The following UBXN6 variants were observed in gnomAD, a reference collection of about 807,000 sequenced individuals.
The protein encoded by UBXN6 is UBX domain-containing protein 6.
Under a neutral mutation model 51.4 loss-of-function variants are expected in UBXN6, and 44 were observed. The ratio of observed to expected loss-of-function variants is 0.86; its 90% CI spans 0.67 to 1.10. The LOEUF is 1.10. UBXN6 is among the 50% of genes least tolerant of loss of function. The pLI is 0.00. For synonymous variants in UBXN6, 316 were observed against 263.2 expected (o/e 1.20, Z -1.94); for missense variants, 672 against 596.1 (o/e 1.13, Z -1.32).
chr19:4,446,937 G>A lies in UBXN6; in HGVS notation c.616-17C>T. On this transcript the variant is annotated splice_polypyrimidine_tract_variant and intron_variant, in intron 6 of 10. Coordinates refer to ENST00000301281, the MANE Select transcript of UBXN6 (RefSeq NM_025241.3). The stretch of plus-strand genomic sequence containing the variant: ...AATGCGCTCCTGGGGGTGGAGATGG[G>A]CGTCACTGGGGGCCCCTGGCTTCCT... The A allele has an allele frequency of 1.2e-6, 2 of 1,612,682 alleles. No individual in the cohort carries two copies. The highest frequency in any genetic ancestry group is 1.7e-6 in the Non-Finnish European group (2 of 1,179,438).
intron 10 of UBXN6, 62 bp downstream of exon 10, chr19:4,445,987 C>T: frequency 1.3e-6 from 2 of 1,536,746 alleles, no homozygotes; most frequent in Non-Finnish European, 1.8e-6. Context: ...GGTGTCTGTG[C>T]CGGTCCCAGG....
Position 4,445,326 on chromosome 19 carries a change from G to A in UBXN6, c.*172C>T, listed in dbSNP as rs1458421353. The A allele has an allele frequency of 8.7e-7, 1 of 1,143,476 alleles. No individual in the cohort carries two copies. The highest frequency in any genetic ancestry group is 2.4e-5 in the East Asian group (1 of 41,494). The allele number at this position is 1,143,476 out of a possible 1,614,324, so 70.8% of individuals were successfully genotyped here. On this transcript the variant is annotated 3_prime_UTR_variant, in exon 11 of 11. Coordinates refer to ENST00000301281, the MANE Select transcript of UBXN6 (RefSeq NM_025241.3). ...GCATCCCCACAGCCCCCAAGGGATGGGGGCTCTGCCACGGGGCCCAATTCC... is the reference window on the plus strand; with the variant it reads ...GCATCCCCACAGCCCCCAAGGGATGAGGGCTCTGCCACGGGGCCCAATTCC...
chr19:4,449,107 A>G (rs1464568532), intron 4 of UBXN6: 1 of 154,020 alleles, frequency 6.5e-6, no homozygotes, highest in Non-Finnish European at 1.4e-5. Flanking sequence ...CAGCATGGAG[A>G]GGCTGAGAAC....
chr19:4,455,310 T>A, intron 1 of UBXN6: 1 of 985,480 alleles, frequency 1.0e-6, no homozygotes, highest in South Asian at 4.7e-5. Flanking sequence ...CTGGCTCTGC[T>A]TACATACCCG....
In UBXN6 at chr19:4,445,829, T is replaced by A; in HGVS notation, c.1201-206A>T. ...AACCTACTGCACTAGCTAACGCACG[T>A]CACCGCTCCCATTTGATGGGGAAAC... On this transcript the variant is annotated intron_variant, in intron 10 of 10. Coordinates refer to ENST00000301281, the MANE Select transcript of UBXN6 (RefSeq NM_025241.3). 6.7e-6 allele frequency: 7 copies of A among 1,046,420 alleles called. No homozygotes were observed. In the South Asian group the frequency reaches 1.2e-4, roughly 17 times the overall value. 64.8% of individuals were successfully genotyped at this position (1,046,420 alleles called of 1,614,324 possible).
chr19:4,454,226 G>A (rs1044363296), intron 1 of UBXN6, 133 bp from the exon 2 acceptor site: 3 of 1,051,128 alleles, frequency 2.9e-6, no homozygotes, highest in Non-Finnish European at 4.0e-6. Context: ...TGTGGGCCAG[G>A]ACACCTGGTT....
chr19:4,453,314 C>G, intron 3 of UBXN6, 144 bp downstream of exon 3: 1 of 897,450 alleles, frequency 1.1e-6, no homozygotes, highest in Non-Finnish European at 1.7e-6. Flanking sequence ...ACACCGTGTT[C>G]CACCACAACC....
At chr19:4,448,516 G>T in intron 4 of UBXN6, 101 bp from the exon 5 acceptor site, 1 of 927,648 alleles carries the variant, frequency 1.1e-6, no homozygotes, top group Non-Finnish European at 1.7e-6. Context: ...GCAGAACAGC[G>T]GCTTGGAGCG....
At chr19:4,448,273 G>A in intron 5 of UBXN6, 45 bp downstream of exon 5, 1 of 1,523,192 alleles carries the variant, frequency 6.6e-7, no homozygotes, top group South Asian at 1.2e-5. Context: ...GGGGTGCTGG[G>A]ATGAGCTGGA....
At position 4,453,486 on chromosome 19, in the gene UBXN6, C is replaced by A. The variant is rs1359751619; in HGVS notation, c.284G>T (p.Gly95Val). ...GTTGGTCCCTGGGGCCTCGGGGCTC[C>A]CGCTGACGGTGGCTTCGGCTTGAAG... is the stretch of plus-strand genomic sequence containing the variant. ...KELQAEATVS[G>V]SPEAPGTNVV... Residue 95 changes from glycine to valine, a missense_variant, in exon 3 of 11, where the codon GGG becomes GTG. Gly to Val is a moderately radical substitution (Grantham distance 109). Transcript: ENST00000301281. 6.2e-6 allele frequency: 10 copies of A among 1,613,774 alleles called. No individual in the cohort carries two copies. The highest frequency in any genetic ancestry group is 8.5e-6 in the Non-Finnish European group (10 of 1,179,936).
At position 4,452,354 on chromosome 19, in the gene UBXN6, T is replaced by A; in HGVS notation, c.441+10A>T. 1 of 1,612,352 alleles carries A rather than the reference T, an allele frequency of 6.2e-7. No individual in the cohort carries two copies. The highest frequency in any genetic ancestry group is 8.5e-7 in the Non-Finnish European group (1 of 1,179,068). ...CAGGTTGGGGCAGGAGCACACAGGG[T>A]GCCACTCACCAAGAGAATGGCCTCC... On this transcript the variant is annotated intron_variant, in intron 4 of 10. Transcript: ENST00000301281.
At chr19:4,447,009 T>C (rs2145171344) in intron 6 of UBXN6, 89 bp from the exon 7 acceptor site, 1 of 1,323,378 alleles carries the variant, frequency 7.6e-7, no homozygotes, top group African/African-American at 1.5e-5. Flanking sequence ...CGGCTCTCGC[T>C]ATTGGGAGCA....
chr19:4,451,816 G>A (rs1974658512), intron 4 of UBXN6, among the ~76,000 whole-genome samples: 1 of 151,716 alleles, frequency 6.6e-6, no homozygotes. Flanking sequence ...TTTGTAGGAA[G>A]TTCTTTCTGT....
chr19:4,445,343 C>T lies in UBXN6; in HGVS notation c.*155G>A. On this transcript the variant is annotated 3_prime_UTR_variant, in exon 11 of 11. Transcript: ENST00000301281. ...AAGGGATGGGGGCTCTGCCACGGGGCCCAATTCCACAGCTCCACGGCTGGC... is the reference window on the plus strand; with the variant it reads ...AAGGGATGGGGGCTCTGCCACGGGGTCCAATTCCACAGCTCCACGGCTGGC... The T allele has an allele frequency of 7.6e-7, 1 of 1,318,208 alleles. No homozygotes were observed. The highest frequency in any genetic ancestry group is 1.0e-6 in the Non-Finnish European group (1 of 961,188). 81.7% of individuals were successfully genotyped at this position (1,318,208 alleles called of 1,614,324 possible).
rs1319239180 is a variant in UBXN6, at chr19:4,446,608, T to G, written c.812A>C (p.Asp271Ala). The G allele has an allele frequency of 6.2e-7, 1 of 1,612,618 alleles. No homozygotes were observed. The highest frequency in any genetic ancestry group is 1.3e-5 in the African/African-American group (1 of 74,940). Reference sequence around the variant, plus strand: ...GGGCTGGAAGACGCGGCGCTGCCTGTCCAGCTTGGCGCGCACGGGCTCCGC... The same window carrying G: ...GGGCTGGAAGACGCGGCGCTGCCTGGCCAGCTTGGCGCGCACGGGCTCCGC... The part of the protein sequence containing the change: ...LAAEPVRAKL[D>A]RQRRVFQPSP... The change falls in exon 8 of 11, where the codon GAC becomes GCC. Residue 271 changes from aspartate (D) to alanine (A), a missense_variant. By Grantham distance (126) the Asp-to-Ala change is moderately radical. Transcript: ENST00000301281.
At chr19:4,457,521 C>G (rs56153949) in intron 1 of UBXN6, 94 bp downstream of exon 1, 247,773 of 1,086,324 alleles carry the variant, frequency 0.23, 31,631 homozygotes, top group Non-Finnish European at 0.25. Flanking sequence ...AGCCCCTCAT[C>G]CTCTCCGATC....
chr19:4,448,380 CATG>C lies in UBXN6; in HGVS notation c.474_476del (p.Ile158del), dbSNP rs1974584387. ...GGTCTTTGTTGAACGTGTAGATCTT[CATG>C]ATGGAGGCGGCCACTGGGTCGGTGG... On this transcript the variant is annotated inframe_deletion, in exon 5 of 11. Coordinates refer to ENST00000301281, the MANE Select transcript of UBXN6 (RefSeq NM_025241.3). 1.3e-6 allele frequency: 2 copies of C among 1,585,868 alleles called. No homozygotes were observed. Among genetic ancestry groups the C allele is most frequent in the Non-Finnish European group, 1.7e-6 (2 of 1,167,302 alleles).
rs143712546 is a variant in UBXN6 at position 4,452,395 on chromosome 19, C to T, written c.410G>A (p.Arg137Gln). 2.1e-5 allele frequency: 34 copies of T among 1,613,352 alleles called. No individual in the cohort carries two copies. The highest frequency in any genetic ancestry group is 6.7e-5 in the Admixed American group (4 of 59,980). The change falls in exon 4 of 11, where the codon CGG becomes CAG. Residue 137 changes from arginine (R) to glutamine (Q), a missense_variant. By Grantham distance (43) the Arg-to-Gln change is conservative (BLOSUM62 1). Transcript: ENST00000301281. ...AATGGCCTCCTTGATGCAGGCGTCC[C>T]GCTGGTCCTTCCTCAGGGTGGCCCC... is the stretch of plus-strand genomic sequence containing the variant. Reference protein sequence around the residue: ...LTGATLRKDQRDACIKEAILL... With the variant: ...LTGATLRKDQQDACIKEAILL...
Position 4,445,362 on chromosome 19 carries a change from G to T in UBXN6, c.*136C>A. 2.1e-6 allele frequency: 3 copies of T among 1,438,152 alleles called. No individual in the cohort carries two copies. The highest frequency in any genetic ancestry group is 1.3e-5 in the South Asian group (1 of 75,824). 89.1% of individuals were successfully genotyped at this position (1,438,152 alleles called of 1,614,324 possible). A position where few individuals can be genotyped will look rare whatever the true frequency, so the allele number is the denominator to read the frequency against. ...ACGGGGCCCAATTCCACAGCTCCACGGCTGGCGCCCCTCCCGTGCCCATGG... is the reference window on the plus strand; with the variant it reads ...ACGGGGCCCAATTCCACAGCTCCACTGCTGGCGCCCCTCCCGTGCCCATGG... On this transcript the variant is annotated 3_prime_UTR_variant, in exon 11 of 11. Transcript: ENST00000301281.
Sources: allele counts gnomAD v4.1 joint callset (sites outside exome capture counted in the v4.1 genomes callset), GRCh38; gene constraint gnomAD v4.1.1; transcripts MANE v1.5; gene names NCBI Gene and HGNC (gene_info 2026-07-23, HGNC 2026-07-21).